The following DYSF variants were observed in gnomAD, a reference collection of about 807,000 sequenced individuals.
The protein encoded by DYSF is dysferlin, also known as dystrophy-associated fer-1-like 1.
A neutral mutation model predicts 274.9 loss-of-function variants in DYSF; 212 were observed. That is an observed-to-expected ratio of 0.77 (90% confidence interval 0.69 to 0.86). The LOEUF (loss-of-function observed/expected upper bound fraction) is 0.86. DYSF is among the 40% of genes least tolerant of loss of function. The pLI, the probability that DYSF is intolerant of heterozygous loss-of-function variation, is 0.00. For synonymous variants in DYSF, 1,091 were observed against 1,078.7 expected (o/e 1.01, Z -0.22); for missense variants, 2,666 against 2,783.2 (o/e 0.96, Z 0.95).
chr2:71,493,576 G>A (rs2084073795), intron 3 of DYSF, among the ~76,000 whole-genome samples: 1 of 152,142 alleles, frequency 6.6e-6, no homozygotes, highest in Admixed American at 6.5e-5. Flanking sequence ...TTTCAGCTGG[G>A]TGCGCTGGCT....
rs771878408 is a variant in DYSF, at chr2:71,634,880, C to A, written c.4528-9085C>A. On this transcript the variant is annotated intron_variant, in intron 41 of 55. Transcript: ENST00000410020. ...GCCATACTGCATCTTCTCATTTCAG[C>A]CCCCAAATCCTTCTAGTTTTCCTGG... Among the ~76,000 whole-genome samples the A allele has an allele frequency of 2.6e-5, 4 of 152,296 alleles. No homozygotes were observed. In the South Asian group the frequency reaches 8.3e-4, roughly 32 times the overall value.
chr2:71,557,064 C>A (rs570407937), intron 22 of DYSF, among the ~76,000 whole-genome samples: 1 of 152,198 alleles, frequency 6.6e-6, no homozygotes, highest in Admixed American at 6.5e-5. Context: ...GAATTCCAGA[C>A]AGGCCATTCA....
At chr2:71,605,610 G>A (rs971481099) in intron 36 of DYSF, among the ~76,000 whole-genome samples, 1 of 152,136 alleles carries the variant, frequency 6.6e-6, no homozygotes, top group Non-Finnish European at 1.5e-5. Context: ...ATGCCCTGGT[G>A]GGAGGGATCG....
At chr2:71,628,004 T>C (rs1357033829) in intron 41 of DYSF, among the ~76,000 whole-genome samples, 1 of 152,174 alleles carries the variant, frequency 6.6e-6, no homozygotes, top group Non-Finnish European at 1.5e-5. Context: ...GAACAGCAAA[T>C]AGATAGATTC....
At chr2:71,648,074 A>AT (rs2094594928) in intron 42 of DYSF, among the ~76,000 whole-genome samples, 1 of 152,222 alleles carries the variant, frequency 6.6e-6, no homozygotes, top group Non-Finnish European at 1.5e-5. Flanking sequence ...GTGAGAAATA[A>AT]TTTTTTAAAA....
chr2:71,582,915 T>C (rs1343179961), intron 30 of DYSF, among the ~76,000 whole-genome samples: 2 of 151,724 alleles, frequency 1.3e-5, no homozygotes, highest in African/African-American at 4.8e-5. Context: ...TGGTGGCTCA[T>C]GCCTGTAATC....
chr2:71,636,422 G>A (rs1051028960), intron 41 of DYSF, among the ~76,000 whole-genome samples: 1 of 152,140 alleles, frequency 6.6e-6, no homozygotes, highest in African/African-American at 2.4e-5. Context: ...TACACTGGAG[G>A]TAGTGCCAGC....
chr2:71,482,595 G>A (rs1027951388), intron 3 of DYSF, among the ~76,000 whole-genome samples: 5 of 152,122 alleles, frequency 3.3e-5, no homozygotes, highest in African/African-American at 4.8e-5. Flanking sequence ...CTAGGCAGGC[G>A]ATGAATCCCT....
chr2:71,551,497 G>C, intron 18 of DYSF, 110 bp from the exon 19 acceptor site: 1 of 910,536 alleles, frequency 1.1e-6, no homozygotes, highest in East Asian at 2.6e-5. Flanking sequence ...TTGGCTGAGG[G>C]ACCTCCTGGG....
chr2:71,454,077 G>A (rs1358539555), exon 1 of DYSF: 2 of 1,613,890 alleles, frequency 1.2e-6, no homozygotes, highest in African/African-American at 2.7e-5. Context: ...CTGCTCCGCG[G>A]TGTTTGCAGG....
intron 20 of DYSF, 43 bp from the exon 21 acceptor site, chr2:71,553,764 C>A: frequency 3.3e-6 from 5 of 1,532,560 alleles, no homozygotes; most frequent in East Asian, 2.5e-5. Context: ...CCCACCCGCC[C>A]TCCACTCCTG....
chr2:71,602,761 A>C lies in DYSF; in HGVS notation c.3928-15A>C, dbSNP rs370454686. 6.2e-7 allele frequency: 1 copy of C among 1,612,550 alleles called. No individual in the cohort carries two copies. The highest frequency in any genetic ancestry group is 1.3e-5 in the African/African-American group (1 of 74,870). On this transcript the variant is annotated splice_polypyrimidine_tract_variant and intron_variant, in intron 35 of 55. Coordinates refer to ENST00000410020, the MANE Select transcript of DYSF (RefSeq NM_001130987.2). The stretch of plus-strand genomic sequence containing the variant: ...CCATCTCCTGGATGTGCCACATCCC[A>C]TGGCTGTGGGCCAGGTGCAGGAGAC...
chr2:71,508,341 C>A (rs2085715612), intron 4 of DYSF, among the ~76,000 whole-genome samples: 1 of 152,162 alleles, frequency 6.6e-6, no homozygotes, highest in Non-Finnish European at 1.5e-5. Context: ...ATGGACACAG[C>A]ACTCTCGTCT....
At chr2:71,484,318 G>A (rs2083194779) in intron 3 of DYSF, among the ~76,000 whole-genome samples, 2 of 152,004 alleles carry the variant, frequency 1.3e-5, no homozygotes, top group Non-Finnish European at 2.9e-5. Flanking sequence ...CTCTCAAAGT[G>A]CTGAGATTAC....
chr2:71,648,421 GA>G (rs920146646), intron 42 of DYSF, among the ~76,000 whole-genome samples: 4 of 151,980 alleles, frequency 2.6e-5, no homozygotes, highest in African/African-American at 4.8e-5. Context: ...GTAAGCAAAC[GA>G]AAATGGAAAT....
chr2:71,574,105 G>T, intron 29 of DYSF, 93 bp from the exon 30 acceptor site: 1 of 1,511,908 alleles, frequency 6.6e-7, no homozygotes, highest in Non-Finnish European at 9.0e-7. Context: ...GTGGGGAGTT[G>T]TCATGGAAGA....
intron 42 of DYSF, among the ~76,000 whole-genome samples, chr2:71,645,472 G>A (rs188020407): frequency 6.6e-6 from 1 of 151,826 alleles, no homozygotes; most frequent in East Asian, 2.0e-4. Context: ...ACATCCCGCC[G>A]CTTGTGTGTT....
intron 41 of DYSF, among the ~76,000 whole-genome samples, chr2:71,624,705 G>GT (rs199545497): frequency 0.01 from 1,570 of 152,240 alleles, 15 homozygotes; most frequent in Non-Finnish European, 0.017. Context: ...TGGTGAAATT[G>GT]TATCTATGGT....
chr2:71,585,336 G>C (rs1558540626), intron 30 of DYSF, among the ~76,000 whole-genome samples: 2 of 152,184 alleles, frequency 1.3e-5, no homozygotes, highest in African/African-American at 4.8e-5. Flanking sequence ...GGGCAGGGAT[G>C]GCCTCTCTGG....
Sources: gnomAD v4.1 joint callset for allele counts (sites outside exome capture counted in the v4.1 genomes callset) on GRCh38, gnomAD v4.1.1 for gene constraint, MANE v1.5 for transcripts, NCBI Gene and HGNC (gene_info 2026-07-23, HGNC 2026-07-21) for gene names.